TARS2: variants seen among roughly 807,000 people sequenced by gnomAD.
The protein encoded by TARS2 is threonine--tRNA ligase, mitochondrial.
In TARS2, 61 loss-of-function variants were observed where a neutral mutation model predicts 94.4. That is an observed-to-expected ratio of 0.65 (90% CI 0.53 to 0.80). The LOEUF (loss-of-function observed/expected upper bound fraction) is 0.80, where lower values mean the gene tolerates loss of function less well. Among genes scored for constraint, TARS2 ranks in the 30% least tolerant of loss-of-function variants. TARS2 has a pLI of 0.00. For synonymous variants in TARS2, 359 were observed against 353.4 expected (o/e 1.02, Z -0.18); for missense variants, 704 against 902.5 (o/e 0.78, Z 2.82).
rs1334064674 is a variant in TARS2 at position 150,505,574 on chromosome 1, C to G, written c.1894-17C>G. The G allele has an allele frequency of 1.2e-6, 2 of 1,610,574 alleles. No individual in the cohort carries two copies. The highest frequency in any genetic ancestry group is 1.7e-5 in the Admixed American group (1 of 59,998). ...TTTCCAGTAAATTAACTTCCTGTCA[C>G]CAAACCTCTGTTGCAGGCACAGCAG... is the stretch of plus-strand genomic sequence containing the variant. On this transcript the variant is annotated splice_polypyrimidine_tract_variant and intron_variant, in intron 16 of 17. Transcript: ENST00000369064.
At chr1:150,503,591 G>GTC (rs1670034263) in intron 13 of TARS2, among the ~76,000 whole-genome samples, 1 of 144,430 alleles carries the variant, frequency 6.9e-6, no homozygotes, top group African/African-American at 2.7e-5. Context: ...ATATATGTGT[G>GTC]TGTGTGTGTG....
intron 16 of TARS2, 121 bp downstream of exon 16, chr1:150,505,099 A>G (rs1670143568): frequency 1.0e-6 from 1 of 955,222 alleles, no homozygotes; most frequent in Non-Finnish European, 1.6e-6. Context: ...CACAGCCACA[A>G]GACTGGGCTC....
At chr1:150,494,826 C>T (rs1234750785) in intron 7 of TARS2, among the ~76,000 whole-genome samples, 1 of 151,874 alleles carries the variant, frequency 6.6e-6, no homozygotes, top group East Asian at 1.9e-4. Flanking sequence ...TCACGAGGTC[C>T]AGAGATCGAG....
At chr1:150,489,216 T>G (rs1669275070) in intron 3 of TARS2, 129 bp downstream of exon 3, 1 of 1,355,620 alleles carries the variant, frequency 7.4e-7, no homozygotes, top group Non-Finnish European at 1.0e-6. Flanking sequence ...TACCACAGAC[T>G]GTCTTGACTA....
chr1:150,503,842 G>T (rs1004724180), intron 13 of TARS2, among the ~76,000 whole-genome samples: 1 of 149,818 alleles, frequency 6.7e-6, no homozygotes, highest in African/African-American at 2.5e-5. Context: ...GGCGGAGGCT[G>T]CAGTGAGCTG....
chr1:150,505,017 C>T, intron 16 of TARS2, 39 bp downstream of exon 16: 1 of 1,606,396 alleles, frequency 6.2e-7, no homozygotes, highest in South Asian at 1.1e-5. Flanking sequence ...GAAGCAGGTC[C>T]AGTAGAGAGT....
intron 6 of TARS2, chr1:150,492,060 G>A (rs1420030640): frequency 2.6e-5 from 7 of 268,730 alleles, no homozygotes; most frequent in Non-Finnish European, 4.9e-5. Context: ...CTGCCTCCCG[G>A]GTTCAAACAA....
At chr1:150,490,213 G>A (rs1212793111) in intron 3 of TARS2, among the ~76,000 whole-genome samples, 1 of 134,872 alleles carries the variant, frequency 7.4e-6, no homozygotes, top group Non-Finnish European at 1.5e-5. Flanking sequence ...CCACCTCCCG[G>A]GTTCAAGTGA....
chr1:150,498,919 G>A lies in TARS2; in HGVS notation c.1424G>A (p.Cys475Tyr), dbSNP rs1223371958. 1 of 1,614,058 alleles carries A rather than the reference G, an allele frequency of 6.2e-7. No homozygotes were observed. The highest frequency in any genetic ancestry group is 1.7e-5 in the Admixed American group (1 of 60,002). The change falls in exon 12 of 18, where the codon TGT (cysteine) becomes TAT (tyrosine). Residue 475 changes from cysteine (C) to tyrosine (Y), a missense_variant. Cys to Tyr is a radical substitution (Grantham distance 194, BLOSUM62 -2). Around this residue, in one of 3 missense-constraint regions of TARS2, gnomAD observed 466 missense variants for 609.5 expected, o/e 0.76. Transcript: ENST00000369064. ...TDQLEAEIQSCLDFLRSVYAV... is the reference protein window; with the variant it reads ...TDQLEAEIQSYLDFLRSVYAV... The stretch of plus-strand genomic sequence containing the variant: ...TAGCTGGAAGCAGAGATCCAAAGCT[G>A]TCTTGATTTCCTCCGTTCCGTCTAT...
intron 17 of TARS2, among the ~76,000 whole-genome samples, chr1:150,506,316 GC>G (rs965245554): frequency 6.6e-6 from 1 of 151,970 alleles, no homozygotes; most frequent in African/African-American, 2.4e-5. Context: ...CTCAGCAGAG[GC>G]CCCTCACTCT....
rs1669379216 is a variant in TARS2, at chr1:150,491,451, T to A, written c.570T>A (p.Ala190=). Residue 190 remains alanine (A), a synonymous_variant, in exon 5 of 18, where the codon GCT becomes GCA. Transcript: ENST00000369064. ...VLERICQELT[A]AARPFRRLEA... Reference sequence around the variant, plus strand: ...AGCGGATTTGCCAGGAACTTACAGCTGCTGCTCGACCCTTCCGGAGGCTAG... The same window carrying A: ...AGCGGATTTGCCAGGAACTTACAGCAGCTGCTCGACCCTTCCGGAGGCTAG... 1.2e-6 allele frequency: 2 copies of A among 1,614,042 alleles called. No individual in the cohort carries two copies. The highest frequency in any genetic ancestry group is 1.7e-6 in the Non-Finnish European group (2 of 1,180,048).
At chr1:150,490,831 GT>G (rs1445146224) in intron 4 of TARS2, 106 bp downstream of exon 4, 2 of 1,490,486 alleles carry the variant, frequency 1.3e-6, no homozygotes, top group Non-Finnish European at 1.8e-6. Context: ...GAGGAGAAGG[GT>G]TTCTCTAGGT....
chr1:150,494,019 A>C (rs1560247649), intron 7 of TARS2, among the ~76,000 whole-genome samples: 1 of 152,024 alleles, frequency 6.6e-6, no homozygotes, highest in Non-Finnish European at 1.5e-5. Flanking sequence ...CCCATCTATA[A>C]AATGAGGCTA....
In TARS2 at chr1:150,487,966, C is replaced by G. The variant is rs1397373116; in HGVS notation, c.175C>G (p.Arg59Gly). The G allele has an allele frequency of 6.2e-7, 1 of 1,614,058 alleles. No individual in the cohort carries two copies. The highest frequency in any genetic ancestry group is 8.5e-7 in the Non-Finnish European group (1 of 1,180,030). ...RLASMAQKEP[R>G]TIKISLPGGQ... Reference sequence around the variant, plus strand: ...AGCAAGCATGGCACAGAAGGAACCCCGGACTATTAAGATATCACTTCCTGG... The same window carrying G: ...AGCAAGCATGGCACAGAAGGAACCCGGGACTATTAAGATATCACTTCCTGG... Residue 59 changes from arginine (R) to glycine (G), a missense_variant, in exon 2 of 18, where the codon CGG becomes GGG. Transcript: ENST00000369064.
intron 13 of TARS2, among the ~76,000 whole-genome samples, chr1:150,501,923 A>G (rs898288012): frequency 6.6e-6 from 1 of 151,692 alleles, no homozygotes; most frequent in East Asian, 1.9e-4. Context: ...ATTTTTATAT[A>G]TTTTTTTGAG....
Position 150,488,070 on chromosome 1 carries a change from T to A in TARS2, c.263+16T>A. 6.2e-7 allele frequency: 1 copy of A among 1,611,926 alleles called. No individual in the cohort carries two copies. On this transcript the variant is annotated intron_variant, in intron 2 of 17. Transcript: ENST00000369064. ...GGCAGATCAGGTAACAGGCCCATCC[T>A]GTAACTACCAGGATTATCCTTCTGC...
At chr1:150,505,771 A>C (rs1012413843) in intron 17 of TARS2, 66 bp downstream of exon 17, 3 of 1,494,816 alleles carry the variant, frequency 2.0e-6, no homozygotes, top group African/African-American at 2.8e-5. Flanking sequence ...TAAGTTTACC[A>C]AGTCTGGTAA....
At chr1:150,487,715 G>T (rs1434263153) in intron 1 of TARS2, 143 bp from the exon 2 acceptor site, 2 of 1,291,818 alleles carry the variant, frequency 1.5e-6, no homozygotes, top group East Asian at 2.4e-5. Context: ...AGGACCCCCA[G>T]CCTAGGGTCT....
rs996789463 is a variant in TARS2, at chr1:150,504,353, G to A, written c.1636G>A (p.Asp546Asn). The part of the protein sequence containing the change: ...YGPKIDVHLH[D>N]ALGRPHQCGT... ...CCTGTAGATTGACGTGCACCTCCAC[G>A]ATGCCCTGGGCCGGCCACATCAGTG... The change falls in exon 14 of 18, where the codon GAT becomes AAT. Residue 546 changes from aspartate to asparagine, a missense_variant. Asp to Asn is a conservative substitution (Grantham distance 23). Transcript: ENST00000369064. The A allele has an allele frequency of 4.3e-6, 7 of 1,613,938 alleles. No individual in the cohort carries two copies. The highest frequency in any genetic ancestry group is 4.0e-5 in the African/African-American group (3 of 74,870).
Sources: gnomAD v4.1 joint callset for allele counts (sites outside exome capture counted in the v4.1 genomes callset) on GRCh38, gnomAD v4.1.1 for gene constraint, gnomAD v4.1.1 regional missense constraint, MANE v1.5 for transcripts, NCBI Gene and HGNC (gene_info 2026-07-23, HGNC 2026-07-21) for gene names.